Variants in NUSAP1 observed in about 807,000 individuals in gnomAD.
NUSAP1 encodes the protein nucleolar and spindle-associated protein 1.
NUSAP1 carries 32 observed loss-of-function variants against 52.8 expected under a neutral mutation model. The observed-to-expected ratio is 0.61, with a 90% CI of 0.46 to 0.81. The LOEUF (loss-of-function observed/expected upper bound fraction) is 0.81, where lower values mean the gene tolerates loss of function less well. Among genes scored for constraint, NUSAP1 ranks in the 40% least tolerant of loss-of-function variants. The pLI is 0.00. For missense variants in NUSAP1, 499 were observed against 522.3 expected (o/e 0.96, Z 0.43); for synonymous variants, 195 against 183.1 (o/e 1.06, Z -0.52).
At chr15:41,344,401 G>A (rs1424671579) in intron 2 of NUSAP1, among the ~76,000 whole-genome samples, 2 of 152,056 alleles carry the variant, frequency 1.3e-5, no homozygotes, top group East Asian at 3.9e-4. Context: ...CACTTTGGGA[G>A]GCTGAGGCGG....
At chr15:41,336,648 GTTTTT>G (rs75426159) in intron 1 of NUSAP1, among the ~76,000 whole-genome samples, 3 of 91,372 alleles carry the variant, frequency 3.3e-5, no homozygotes, top group Non-Finnish European at 4.8e-5. Flanking sequence ...CCTCCTTTTG[GTTTTT>G]TTTTTTTTTT....
In NUSAP1 at chr15:41,332,954, C is replaced by T; in HGVS notation, c.-4C>T. 1.9e-6 allele frequency: 3 copies of T among 1,606,256 alleles called. No homozygotes were observed. Among genetic ancestry groups the T allele is most frequent in the Non-Finnish European group, 2.6e-6 (3 of 1,175,666 alleles). On this transcript the variant is annotated 5_prime_UTR_variant, in exon 1 of 11. Coordinates refer to ENST00000559596, the MANE Select transcript of NUSAP1 (RefSeq NM_016359.5). ...TCCGAGTATCGCCGGGATTTCGAAT[C>T]GCGATGATCATCCCCTCTCTAGAGG... is the stretch of plus-strand genomic sequence containing the variant.
At chr15:41,374,988 C>T (rs1396398948) in intron 8 of NUSAP1, among the ~76,000 whole-genome samples, 79 of 138,600 alleles carry the variant, frequency 5.7e-4, no homozygotes, top group East Asian at 3.7e-3. Context: ...ATTACAGGCA[C>T]GTGCCACCAC....
At chr15:41,356,178 GC>G (rs1450218739) in intron 5 of NUSAP1, 38 bp downstream of exon 5, 2 of 1,172,306 alleles carry the variant, frequency 1.7e-6, no homozygotes, top group Admixed American at 1.9e-5. Flanking sequence ...AGTAATGGTT[GC>G]CCCACTTCGG....
intron 7 of NUSAP1, among the ~76,000 whole-genome samples, chr15:41,369,830 G>A (rs1208119832): frequency 6.6e-6 from 1 of 152,034 alleles, no homozygotes; most frequent in Non-Finnish European, 1.5e-5. Context: ...CACTTTGGGA[G>A]GCCGAGGCGG....
chr15:41,360,175 G>A (rs894067598), intron 6 of NUSAP1, among the ~76,000 whole-genome samples: 6 of 151,866 alleles, frequency 4.0e-5, no homozygotes, highest in African/African-American at 1.5e-4. Context: ...GTCACATTGT[G>A]TTGCCCAGGC....
intron 6 of NUSAP1, among the ~76,000 whole-genome samples, chr15:41,361,942 A>G (rs773824200): frequency 6.6e-6 from 1 of 152,200 alleles, no homozygotes; most frequent in African/African-American, 2.4e-5. Flanking sequence ...GGTGATGGAC[A>G]GTAATAAGCA....
intron 6 of NUSAP1, among the ~76,000 whole-genome samples, chr15:41,364,306 G>T (rs2049300439): frequency 6.6e-6 from 1 of 152,142 alleles, no homozygotes; most frequent in Non-Finnish European, 1.5e-5. Flanking sequence ...CCAGCAGTTT[G>T]GGAGGCTGAG....
At chr15:41,377,945 A>G (rs1165238726) in intron 10 of NUSAP1, among the ~76,000 whole-genome samples, 2 of 151,368 alleles carry the variant, frequency 1.3e-5, no homozygotes, top group Non-Finnish European at 2.9e-5. Flanking sequence ...AGCCGAGATC[A>G]CGCCACTGCA....
intron 9 of NUSAP1, among the ~76,000 whole-genome samples, chr15:41,376,379 A>G (rs913237242): frequency 6.6e-6 from 1 of 151,974 alleles, no homozygotes; most frequent in African/African-American, 2.4e-5. Flanking sequence ...AGCCTGGGTG[A>G]CATAGTGAGA....
At chr15:41,347,141 C>T (rs1206812371) in intron 2 of NUSAP1, among the ~76,000 whole-genome samples, 1 of 152,136 alleles carries the variant, frequency 6.6e-6, no homozygotes, top group African/African-American at 2.4e-5. Flanking sequence ...CACTGCACTC[C>T]AGCCTGGGCA....
chr15:41,378,956 T>TTTG (rs2050100891), intron 10 of NUSAP1, among the ~76,000 whole-genome samples: 2 of 109,634 alleles, frequency 1.8e-5, no homozygotes, highest in South Asian at 6.8e-4. Flanking sequence ...TTTTTTTTTT[T>TTTG]TTTTTTTTTT....
At chr15:41,375,208 G>A (rs1372400218) in intron 8 of NUSAP1, among the ~76,000 whole-genome samples, 1 of 121,250 alleles carries the variant, frequency 8.2e-6, no homozygotes, top group Admixed American at 8.9e-5. Context: ...ACCAAGTTTC[G>A]CTCTTGTTGC....
At chr15:41,353,877 C>T (rs1187691152) in intron 4 of NUSAP1, among the ~76,000 whole-genome samples, 1 of 152,170 alleles carries the variant, frequency 6.6e-6, no homozygotes, top group African/African-American at 2.4e-5. Flanking sequence ...ACCTCAGTTT[C>T]TCTGAATGTC....
chr15:41,379,316 A>T lies in NUSAP1; in HGVS notation c.1233-777A>T, dbSNP rs188003630. Reference sequence around the variant, plus strand: ...ACAAATTTTTTTTTTTTTCTTAGAGACAGGGTCTTACTTTTTGTCACCCAG... The same window carrying T: ...ACAAATTTTTTTTTTTTTCTTAGAGTCAGGGTCTTACTTTTTGTCACCCAG... On this transcript the variant is annotated intron_variant, in intron 10 of 10. Transcript: ENST00000559596. Among the ~76,000 whole-genome samples the T allele has an allele frequency of 4.3e-3, 642 of 149,664 alleles. 3 individuals are homozygous for T. The highest frequency in any genetic ancestry group is 0.015 in the African/African-American group (613 of 40,540).
chr15:41,370,081 A>G (rs1227764896), intron 7 of NUSAP1, among the ~76,000 whole-genome samples: 2 of 146,550 alleles, frequency 1.4e-5, no homozygotes, highest in Non-Finnish European at 3.0e-5. Context: ...AAAAAAGAAG[A>G]AAGAAAGAAA....
chr15:41,335,405 TA>T (rs2048082498), intron 1 of NUSAP1, among the ~76,000 whole-genome samples: 1 of 141,428 alleles, frequency 7.1e-6, no homozygotes, highest in South Asian at 2.2e-4. Context: ...TATACTATAT[TA>T]ATATACTATA....
In NUSAP1 at chr15:41,358,313, G is replaced by C. The variant is rs114640098; in HGVS notation, c.660+55G>C. 2.1e-3 allele frequency: 1,774 copies of C among 832,276 alleles called. 19 individuals carry two copies. In the African/African-American group the frequency reaches 0.022, roughly 10 times the overall value. The allele number at this position is 832,276 out of a possible 1,614,324, so 51.6% of individuals were successfully genotyped here. A position where few individuals can be genotyped will look rare whatever the true frequency, so the allele number is the denominator to read the frequency against. On this transcript the variant is annotated intron_variant, in intron 6 of 10. Transcript: ENST00000559596. ...AACTAAACTGTTTGATTATAATTTT[G>C]AAACTATATAACACCGTGGTTACAA...
At chr15:41,369,149 G>A (rs183802649) in intron 7 of NUSAP1, among the ~76,000 whole-genome samples, 142 of 152,126 alleles carry the variant, frequency 9.3e-4, no homozygotes, top group African/African-American at 3.4e-3. Context: ...AGGATGAAGC[G>A]ATCTTCCTGC....
Sources: gnomAD v4.1 joint callset for allele counts (sites outside exome capture counted in the v4.1 genomes callset) on GRCh38, gnomAD v4.1.1 for gene constraint, MANE v1.5 for transcripts, NCBI Gene and HGNC (gene_info 2026-07-23, HGNC 2026-07-21) for gene names.